The following LDLRAD4 variants were observed in gnomAD, a reference collection of about 807,000 sequenced individuals.
LDLRAD4 encodes the protein low-density lipoprotein receptor class A domain-containing protein 4.
In LDLRAD4, 5 loss-of-function variants were observed where a neutral mutation model predicts 17.0. The ratio of observed to expected loss-of-function variants is 0.29; its 90% CI spans 0.15 to 0.62. LDLRAD4 has a LOEUF of 0.62. LDLRAD4 is among the 20% of genes least tolerant of loss of function. LDLRAD4 has a pLI of 0.84. For synonymous variants in LDLRAD4, 168 were observed against 171.8 expected, an observed-to-expected ratio of 0.98 and a Z score of 0.17; for missense variants, 340 against 424.7, an observed-to-expected ratio of 0.80 and a Z score of 1.75.
intron 3 of LDLRAD4, among the ~76,000 whole-genome samples, chr18:13,563,774 C>G (rs1161555486): frequency 6.6e-6 from 1 of 152,222 alleles, no homozygotes; most frequent in Non-Finnish European, 1.5e-5. Flanking sequence ...AAGACCGACC[C>G]CTGTTCTCAA....
chr18:13,573,120 T>A (rs2094716495), intron 3 of LDLRAD4, among the ~76,000 whole-genome samples: 1 of 152,240 alleles, frequency 6.6e-6, no homozygotes, highest in African/African-American at 2.4e-5. Context: ...ATTTTATTTT[T>A]TTGAGACGGA....
At chr18:13,544,760 A>G (rs774714250) in intron 3 of LDLRAD4, among the ~76,000 whole-genome samples, 16 of 152,146 alleles carry the variant, frequency 1.1e-4, no homozygotes, top group Admixed American at 3.3e-4. Flanking sequence ...AGCCATCTTT[A>G]TAATAGTGAT....
At chr18:13,270,647 A>G (rs1364679326) in intron 1 of LDLRAD4, among the ~76,000 whole-genome samples, 1 of 152,188 alleles carries the variant, frequency 6.6e-6, no homozygotes, top group East Asian at 1.9e-4. Flanking sequence ...GCTAGAGCGG[A>G]ATGCAGTTAG....
At chr18:13,496,393 C>T (rs2093470333) in intron 3 of LDLRAD4, among the ~76,000 whole-genome samples, 1 of 152,180 alleles carries the variant, frequency 6.6e-6, no homozygotes, top group Non-Finnish European at 1.5e-5. Flanking sequence ...AAAAGATTTT[C>T]AGGGGATGAG....
At chr18:13,403,659 C>T (rs1293783737) in intron 2 of LDLRAD4, among the ~76,000 whole-genome samples, 1 of 152,200 alleles carries the variant, frequency 6.6e-6, no homozygotes, top group Non-Finnish European at 1.5e-5. Context: ...TTTTGTGGCC[C>T]TGCATCATGA....
At chr18:13,347,189 T>C (rs1275651513) in intron 1 of LDLRAD4, among the ~76,000 whole-genome samples, 1 of 152,258 alleles carries the variant, frequency 6.6e-6, no homozygotes, top group Non-Finnish European at 1.5e-5. Flanking sequence ...TAATTTGGCA[T>C]GTTTTTGCAG....
At chr18:13,371,438 A>G (rs1352070899) in intron 1 of LDLRAD4, among the ~76,000 whole-genome samples, 1 of 152,178 alleles carries the variant, frequency 6.6e-6, no homozygotes, top group Non-Finnish European at 1.5e-5. Context: ...CTGTGAGTGC[A>G]CTGGTGCACT....
intron 2 of LDLRAD4, among the ~76,000 whole-genome samples, chr18:13,404,852 G>T (rs750274964): frequency 2.6e-4 from 39 of 151,976 alleles, no homozygotes; most frequent in Admixed American, 7.9e-4. Context: ...ACAAATTCAG[G>T]CCCTGTTTTA....
exon 6 of LDLRAD4, chr18:13,648,613 ATTG>A (rs2149028641): frequency 6.6e-6 from 1 of 152,330 alleles, no homozygotes; most frequent in African/African-American, 2.4e-5. Flanking sequence ...AGTGGGGCCT[ATTG>A]TTCTTTCAAG....
chr18:13,219,983 A>G (rs945364391), intron 1 of LDLRAD4, among the ~76,000 whole-genome samples: 6 of 152,234 alleles, frequency 3.9e-5, no homozygotes, highest in African/African-American at 1.4e-4. Context: ...CTTTGTGTTC[A>G]GTCAAGGATC....
chr18:13,645,015 G>A lies in LDLRAD4; in HGVS notation c.391-112G>A, dbSNP rs1219340213. The stretch of plus-strand genomic sequence containing the variant: ...TTTCTTTTTTTTTTTCCTGGGAGAT[G>A]GTGTTCAAACTGGTAGGAACACACA... On this transcript the variant is annotated intron_variant, in intron 5 of 5. Transcript: ENST00000359446. The surrounding 1 kb of genome is among the most constrained non-coding windows in gnomAD (Gnocchi z 5.7). 1.4e-5 allele frequency: 11 copies of A among 804,954 alleles called. No individual in the cohort carries two copies. Among genetic ancestry groups the A allele is most frequent in the Non-Finnish European group, 2.2e-5 (11 of 509,936 alleles). The allele number at this position is 804,954 out of a possible 1,614,324, so 49.9% of individuals were successfully genotyped here.
At chr18:13,257,001 A>C (rs543541461) in intron 1 of LDLRAD4, among the ~76,000 whole-genome samples, 2 of 152,244 alleles carry the variant, frequency 1.3e-5, no homozygotes, top group Non-Finnish European at 2.9e-5. Context: ...AAAATTGCCT[A>C]TGTGGGAACT....
chr18:13,637,373 C>T (rs1324534950), intron 4 of LDLRAD4, among the ~76,000 whole-genome samples: 1 of 151,966 alleles, frequency 6.6e-6, no homozygotes, highest in Non-Finnish European at 1.5e-5. Context: ...GAAGAACTTG[C>T]CTGTAAGGAG....
chr18:13,515,663 A>C (rs535351704), intron 3 of LDLRAD4: 1 of 152,364 alleles, frequency 6.6e-6, no homozygotes, highest in South Asian at 2.1e-4. Flanking sequence ...TACCTTTTTA[A>C]GGACCTAATA....
At chr18:13,357,230 A>C (rs8086741) in intron 1 of LDLRAD4, among the ~76,000 whole-genome samples, 15,163 of 152,132 alleles carry the variant, frequency 0.1, 2,022 homozygotes, top group African/African-American at 0.3. Flanking sequence ...CTACTTCCTT[A>C]TTTTCCTTGA....
intron 3 of LDLRAD4, among the ~76,000 whole-genome samples, chr18:13,571,826 C>A (rs552238135): frequency 6.6e-6 from 1 of 151,936 alleles, no homozygotes; most frequent in African/African-American, 2.4e-5. Flanking sequence ...TTAGTAGAGA[C>A]GAGGTTTCAC....
chr18:13,638,073 C>G (rs1423903345), intron 4 of LDLRAD4, among the ~76,000 whole-genome samples: 1 of 151,974 alleles, frequency 6.6e-6, no homozygotes, highest in African/African-American at 2.4e-5. Context: ...GGAACTGAGG[C>G]TGGGAGAAAC....
At chr18:13,259,015 A>G (rs781735996) in intron 1 of LDLRAD4, among the ~76,000 whole-genome samples, 10 of 152,240 alleles carry the variant, frequency 6.6e-5, no homozygotes, top group African/African-American at 1.2e-4. Flanking sequence ...ATTTAGGTCA[A>G]TGATCTTGTT....
chr18:13,500,432 G>A (rs557762787), intron 3 of LDLRAD4, among the ~76,000 whole-genome samples: 28 of 152,328 alleles, frequency 1.8e-4, no homozygotes, highest in Admixed American at 1.4e-3. Context: ...GCTGCTCCCC[G>A]GGGCCCAGTT....
Sources: allele counts gnomAD v4.1 joint callset (sites outside exome capture counted in the v4.1 genomes callset), GRCh38; gene constraint gnomAD v4.1.1; non-coding constraint Gnocchi (gnomAD v3.1); transcripts MANE v1.5; gene names NCBI Gene and HGNC (gene_info 2026-07-23, HGNC 2026-07-21).